DPH6: variants seen among roughly 807,000 people sequenced by gnomAD.
DPH6 encodes diphthine--ammonia ligase.
DPH6 carries 33 observed loss-of-function variants against 38.2 expected under a neutral mutation model. The observed-to-expected ratio is 0.86, with a 90% CI of 0.65 to 1.15. The LOEUF (loss-of-function observed/expected upper bound fraction) is 1.15, where lower values mean the gene tolerates loss of function less well. Ranked by LOEUF, DPH6 falls within the 50% of genes most tolerant of loss-of-function variation. The probability of loss-of-function intolerance (pLI) is 0.00; values close to 1 mark genes in which losing one functional copy is unlikely to be tolerated. For missense variants in DPH6, 325 were observed against 320.0 expected (o/e 1.02, Z -0.12); for synonymous variants, 108 against 103.0 (o/e 1.05, Z -0.30).
the DPH6 span, among the ~76,000 whole-genome samples, chr15:35,151,854 C>T: frequency 6.6e-6 from 1 of 152,204 alleles, no homozygotes. Context: ...GAACGAAATG[C>T]TCAGCAAGTC....
the DPH6 span, among the ~76,000 whole-genome samples, chr15:35,192,005 T>C: frequency 1.3e-5 from 2 of 152,182 alleles, no homozygotes; most frequent in Admixed American, 6.5e-5. Context: ...GTTGTCTCAG[T>C]GATTGGCTTT....
intron 3 of DPH6, among the ~76,000 whole-genome samples, chr15:35,475,572 A>G (rs1167356810): frequency 1.3e-5 from 2 of 151,952 alleles, no homozygotes; most frequent in African/African-American, 2.4e-5. Context: ...TTCTTTGGTC[A>G]TGGATTTAAT....
At chr15:35,470,886 C>T (rs2054190406) in intron 3 of DPH6, among the ~76,000 whole-genome samples, 2 of 151,970 alleles carry the variant, frequency 1.3e-5, no homozygotes, top group South Asian at 2.1e-4. Context: ...TCAAAAATAC[C>T]TCCAAAATTA....
At chr15:35,437,724 CTGT>C (rs1026681159) in intron 5 of DPH6, among the ~76,000 whole-genome samples, 1 of 152,194 alleles carries the variant, frequency 6.6e-6, no homozygotes, top group African/African-American at 2.4e-5. Context: ...CTCCACAGGC[CTGT>C]TGTTCAACCC....
chr15:35,236,156 GA>G (rs2051549439), intron 3 of DPH6, among the ~76,000 whole-genome samples: 1 of 152,088 alleles, frequency 6.6e-6, no homozygotes, highest in African/African-American at 2.4e-5. Flanking sequence ...TATACTCATG[GA>G]AAAATAATTA....
the DPH6 span, among the ~76,000 whole-genome samples, chr15:35,152,242 C>T: frequency 1.3e-4 from 20 of 152,086 alleles, no homozygotes; most frequent in African/African-American, 4.8e-4. Flanking sequence ...AGCCTAGTGA[C>T]AATGTTAAGT....
intron 1 of DPH6, among the ~76,000 whole-genome samples, chr15:35,542,761 G>A (rs2055273967): frequency 6.7e-6 from 1 of 149,764 alleles, no homozygotes; most frequent in Non-Finnish European, 1.5e-5. Context: ...GTAACTTTTT[G>A]CTTTGTGATA....
intron 3 of DPH6, among the ~76,000 whole-genome samples, chr15:35,484,606 A>G (rs1459383781): frequency 6.6e-6 from 1 of 152,188 alleles, no homozygotes; most frequent in Non-Finnish European, 1.5e-5. Flanking sequence ...TATGGCAGCT[A>G]TTTCCCTCAA....
At chr15:35,354,676 G>A (rs941817056) in intron 3 of DPH6, among the ~76,000 whole-genome samples, 22 of 152,070 alleles carry the variant, frequency 1.4e-4, no homozygotes, top group African/African-American at 4.6e-4. Flanking sequence ...TGCTGAATTC[G>A]GTTTGCCAGT....
chr15:35,411,712 G>A (rs1358913922), intron 5 of DPH6, among the ~76,000 whole-genome samples: 1 of 151,504 alleles, frequency 6.6e-6, no homozygotes, highest in East Asian at 1.9e-4. Flanking sequence ...TACATATATT[G>A]GCATAGTTTC....
At chr15:35,429,675 T>C (rs776442269) in intron 5 of DPH6, among the ~76,000 whole-genome samples, 1 of 152,112 alleles carries the variant, frequency 6.6e-6, no homozygotes, top group East Asian at 1.9e-4. Context: ...CACCCTTACA[T>C]ACACACATTT....
intron 3 of DPH6, chr15:35,298,936 C>T (rs574983356): frequency 1.6e-5 from 13 of 791,694 alleles, no homozygotes; most frequent in African/African-American, 3.4e-5. Flanking sequence ...ATGGCAGCTC[C>T]GCCCATACTT....
At chr15:35,392,992 G>A (rs2053080111) in intron 6 of DPH6, among the ~76,000 whole-genome samples, 1 of 152,208 alleles carries the variant, frequency 6.6e-6, no homozygotes, top group South Asian at 2.1e-4. Flanking sequence ...TGAAAGTCTA[G>A]ACAGAAGACA....
intron 3 of DPH6, among the ~76,000 whole-genome samples, chr15:35,251,304 C>T (rs1262295648): frequency 6.6e-6 from 1 of 152,144 alleles, no homozygotes; most frequent in Non-Finnish European, 1.5e-5. Context: ...TATGGATTCT[C>T]ATCAATTCTA....
chr15:35,520,892 G>T lies in DPH6; in HGVS notation c.312+17382C>A, dbSNP rs2054914111. On this transcript the variant is annotated intron_variant, in intron 3 of 8. Coordinates refer to ENST00000256538, the MANE Select transcript of DPH6 (RefSeq NM_080650.4). ...GGAACCCAAATTCCCTGGAAAAACA[G>T]TATACAACTCATTTTGTCACTCTCA... 9 of 984,940 alleles carry T rather than the reference G, an allele frequency of 9.1e-6. No individual in the cohort carries two copies. In the South Asian group the frequency reaches 3.8e-4, roughly 41 times the overall value. 61.0% of individuals were successfully genotyped at this position (984,940 alleles called of 1,614,324 possible).
intron 3 of DPH6, among the ~76,000 whole-genome samples, chr15:35,499,866 G>A (rs1242343189): frequency 3.3e-5 from 5 of 152,116 alleles, no homozygotes; most frequent in South Asian, 2.1e-4. Context: ...TGCTAATAGC[G>A]CAGCCAGGCC....
chr15:35,150,882 G>T, the DPH6 span, among the ~76,000 whole-genome samples: 1 of 151,990 alleles, frequency 6.6e-6, no homozygotes, highest in Admixed American at 6.6e-5. Context: ...AAAACAAAGG[G>T]TTTTTTTCTG....
chr15:35,473,896 G>A (rs73380785), intron 3 of DPH6, among the ~76,000 whole-genome samples: 1,519 of 151,048 alleles, frequency 0.01, 27 homozygotes, highest in African/African-American at 0.035. Flanking sequence ...AAAGGCAAGC[G>A]ATAGAACACT....
chr15:35,237,720 G>A (rs776148852), intron 3 of DPH6: 21 of 1,613,750 alleles, frequency 1.3e-5, no homozygotes, highest in South Asian at 2.2e-5. Flanking sequence ...AACGACTACC[G>A]AGAAAATGTG....
Sources: gnomAD v4.1 joint callset for allele counts (sites outside exome capture counted in the v4.1 genomes callset) on GRCh38, gnomAD v4.1.1 for gene constraint, MANE v1.5 for transcripts, NCBI Gene and HGNC (gene_info 2026-07-23, HGNC 2026-07-21) for gene names.